NRG1: variants seen among roughly 807,000 people sequenced by gnomAD.
NRG1 encodes pro-neuregulin-1, membrane-bound isoform.
NRG1 carries 18 observed loss-of-function variants against 63.8 expected under a neutral mutation model. That is an observed-to-expected ratio of 0.28 (90% CI 0.19 to 0.42). NRG1 has a LOEUF of 0.42. Among genes scored for constraint, NRG1 ranks in the 10% least tolerant of loss-of-function variants. NRG1 has a pLI of 1.00. For synonymous variants in NRG1, 302 were observed against 301.3 expected, an observed-to-expected ratio of 1.00 and a Z score of -0.02; for missense variants, 762 against 814.7, an observed-to-expected ratio of 0.94 and a Z score of 0.79.
chr8:31,791,005 G>A (rs1820645095), intron 1 of NRG1, among the ~76,000 whole-genome samples: 2 of 152,014 alleles, frequency 1.3e-5, no homozygotes, highest in African/African-American at 4.8e-5. Context: ...GAGGTCAGGA[G>A]TTGAGACCAG....
intron 1 of NRG1, among the ~76,000 whole-genome samples, chr8:31,910,276 T>C (rs1025807183): frequency 5.9e-5 from 9 of 152,066 alleles, no homozygotes; most frequent in Admixed American, 2.6e-4. Flanking sequence ...AGAGTGTAGA[T>C]TGAGACAGAC....
intron 1 of NRG1, among the ~76,000 whole-genome samples, chr8:31,780,672 T>C (rs1007071666): frequency 6.6e-6 from 1 of 152,208 alleles, no homozygotes; most frequent in Non-Finnish European, 1.5e-5. Context: ...TTAAATTTCT[T>C]AGTTCCCCTT....
intron 1 of NRG1, among the ~76,000 whole-genome samples, chr8:31,911,692 A>G (rs1832956314): frequency 6.6e-6 from 1 of 152,204 alleles, no homozygotes; most frequent in South Asian, 2.1e-4. Flanking sequence ...GTTTACCTAA[A>G]CAACAAACCT....
At position 32,356,481 on chromosome 8, in the gene NRG1, C is replaced by G. The variant is rs1260594873; in HGVS notation, c.38-239347C>G. On this transcript the variant is annotated intron_variant, in intron 1 of 10. Coordinates refer to the NRG1 transcript ENST00000519301. ...CAGAGTTTCCTTGTTGGGACCCCCCCCCCACCCGCCGGGCCCCACCCCGTT... is the reference window on the plus strand; with the variant it reads ...CAGAGTTTCCTTGTTGGGACCCCCCGCCCACCCGCCGGGCCCCACCCCGTT... 4.6e-5 allele frequency among the ~76,000 whole-genome samples: 6 copies of G among 129,450 alleles called. No homozygotes were observed. In the East Asian group the frequency reaches 7.9e-4, roughly 17 times the overall value. 84.9% of individuals were successfully genotyped at this position (129,450 alleles called of 152,430 possible). A position where few individuals can be genotyped will look rare whatever the true frequency, so the allele number is the denominator to read the frequency against.
intron 1 of NRG1, among the ~76,000 whole-genome samples, chr8:32,369,564 C>T (rs1808538221): frequency 1.3e-5 from 2 of 152,146 alleles, no homozygotes; most frequent in African/African-American, 2.4e-5. Flanking sequence ...TGCTAAGGGC[C>T]CCCAACCAGG....
rs1823793060 is a variant in NRG1 at position 32,471,122 on chromosome 8, CT to C, written c.38-124705del. Among the ~76,000 whole-genome samples the C allele has an allele frequency of 2.6e-5, 4 of 152,034 alleles. No individual in the cohort carries two copies. In the South Asian group the frequency reaches 8.3e-4, roughly 32 times the overall value. On this transcript the variant is annotated intron_variant, in intron 1 of 10. Transcript: ENST00000519301. ...TATCAACATATGGAGTCATTTATGTCTATTGAAATATGAACAGCCAATTCCC... is the reference window on the plus strand; with the variant it reads ...TATCAACATATGGAGTCATTTATGTCATTGAAATATGAACAGCCAATTCCC...
chr8:32,064,057 C>G (rs992384125), intron 1 of NRG1, among the ~76,000 whole-genome samples: 6 of 151,952 alleles, frequency 3.9e-5, no homozygotes, highest in African/African-American at 1.2e-4. Flanking sequence ...TTAAAACAAG[C>G]AGGCACAAAA....
intron 1 of NRG1, among the ~76,000 whole-genome samples, chr8:32,303,428 A>G (rs931942484): frequency 6.6e-6 from 1 of 152,162 alleles, no homozygotes; most frequent in Admixed American, 6.5e-5. Context: ...GAGCTACAGA[A>G]CATGCTTGGA....
intron 1 of NRG1, among the ~76,000 whole-genome samples, chr8:32,134,030 C>T (rs1399844449): frequency 6.6e-6 from 1 of 152,090 alleles, no homozygotes; most frequent in Non-Finnish European, 1.5e-5. Context: ...TTACACTCTG[C>T]CAAGCAGTGG....
intron 5 of NRG1, among the ~76,000 whole-genome samples, chr8:32,667,063 T>C (rs1460075262): frequency 6.6e-6 from 1 of 152,188 alleles, no homozygotes; most frequent in Admixed American, 6.5e-5. Context: ...ACGAACATCA[T>C]AGAGTGACTT....
intron 1 of NRG1, among the ~76,000 whole-genome samples, chr8:31,757,769 A>G (rs1817123843): frequency 6.6e-6 from 1 of 152,148 alleles, no homozygotes; most frequent in Non-Finnish European, 1.5e-5. Context: ...GATATAATTT[A>G]TATATAATAA....
intron 1 of NRG1, among the ~76,000 whole-genome samples, chr8:32,465,588 T>TAA (rs11383463): frequency 1.3e-5 from 2 of 152,058 alleles, no homozygotes; most frequent in East Asian, 1.9e-4. Flanking sequence ...AAGACATTAA[T>TAA]AAAAAACACC....
intron 2 of NRG1, among the ~76,000 whole-genome samples, chr8:32,601,659 T>G (rs1467354761): frequency 6.6e-6 from 1 of 152,086 alleles, no homozygotes; most frequent in Non-Finnish European, 1.5e-5. Flanking sequence ...CATAATCCTC[T>G]CTAGTGATAA....
chr8:32,364,003 A>G (rs1259394120), intron 1 of NRG1, among the ~76,000 whole-genome samples: 2 of 151,476 alleles, frequency 1.3e-5, no homozygotes, highest in Non-Finnish European at 2.9e-5. Context: ...ATTTTTTAAG[A>G]GAACAAAAAA....
At chr8:32,287,974 T>G (rs1348444413) in intron 1 of NRG1, among the ~76,000 whole-genome samples, 2 of 152,228 alleles carry the variant, frequency 1.3e-5, no homozygotes, top group Non-Finnish European at 1.5e-5. Flanking sequence ...CATTGTATTT[T>G]CAGTACACAT....
At chr8:32,247,004 C>T (rs1271811753) in intron 1 of NRG1, among the ~76,000 whole-genome samples, 1 of 151,846 alleles carries the variant, frequency 6.6e-6, no homozygotes, top group Non-Finnish European at 1.5e-5. Flanking sequence ...GAAGTGATGT[C>T]GTTAACTGGC....
At chr8:32,738,862 A>G (rs192082736) in intron 6 of NRG1, among the ~76,000 whole-genome samples, 244 of 152,330 alleles carry the variant, frequency 1.6e-3, no homozygotes, top group Non-Finnish European at 2.4e-3. Flanking sequence ...TTGTTGCTGA[A>G]CACTTGAGTT....
At chr8:32,232,657 T>A (rs560773573) in intron 1 of NRG1, among the ~76,000 whole-genome samples, 1 of 152,332 alleles carries the variant, frequency 6.6e-6, no homozygotes, top group Non-Finnish European at 1.5e-5. Flanking sequence ...CTGTCCCTGG[T>A]CATGAAATTT....
At chr8:32,239,329 A>G (rs1847882355) in intron 1 of NRG1, among the ~76,000 whole-genome samples, 1 of 152,034 alleles carries the variant, frequency 6.6e-6, no homozygotes, top group Non-Finnish European at 1.5e-5. Context: ...GCAAAAAAAA[A>G]AAGTGCCTAA....
Sources: allele counts gnomAD v4.1 joint callset (sites outside exome capture counted in the v4.1 genomes callset), GRCh38; gene constraint gnomAD v4.1.1; transcripts MANE v1.5; gene names NCBI Gene and HGNC (gene_info 2026-07-23, HGNC 2026-07-21).